BANK1: variants seen among roughly 807,000 people sequenced by gnomAD.
BANK1 encodes B-cell scaffold protein with ankyrin repeats.
A neutral mutation model predicts 94.5 loss-of-function variants in BANK1; 95 were observed. The ratio of observed to expected loss-of-function variants is 1.00; its 90% CI spans 0.85 to 1.19. BANK1 has a LOEUF of 1.19. BANK1 is among the 50% of genes most tolerant of loss of function. The probability of loss-of-function intolerance (pLI) is 0.00; values close to 1 mark genes in which losing one functional copy is unlikely to be tolerated. For synonymous variants in BANK1, 334 were observed against 308.4 expected, an observed-to-expected ratio of 1.08 and a Z score of -0.87; for missense variants, 987 against 932.2, an observed-to-expected ratio of 1.06 and a Z score of -0.77.
At chr4:101,838,093 G>C (rs1726900613) in intron 2 of BANK1, among the ~76,000 whole-genome samples, 1 of 152,082 alleles carries the variant, frequency 6.6e-6, no homozygotes, top group Non-Finnish European at 1.5e-5. Flanking sequence ...CTGAGTAGCT[G>C]GGATTACAGG....
chr4:102,030,739 A>T (rs1170103099), intron 10 of BANK1, among the ~76,000 whole-genome samples: 4 of 152,070 alleles, frequency 2.6e-5, no homozygotes, highest in Non-Finnish European at 5.9e-5. Context: ...GGTTTCCAGC[A>T]TCATCCATGT....
chr4:101,922,200 G>C (rs1300404481), intron 7 of BANK1, among the ~76,000 whole-genome samples: 1 of 151,768 alleles, frequency 6.6e-6, no homozygotes, highest in East Asian at 1.9e-4. Flanking sequence ...AGCAATAATT[G>C]ACTGGGTAAT....
chr4:102,069,571 T>C (rs969266868), intron 13 of BANK1, among the ~76,000 whole-genome samples: 2 of 152,264 alleles, frequency 1.3e-5, no homozygotes, highest in African/African-American at 2.4e-5. Context: ...ACTTACCATA[T>C]GACCTAGTCA....
intron 7 of BANK1, among the ~76,000 whole-genome samples, chr4:101,970,504 C>G (rs1278525671): frequency 6.6e-6 from 1 of 152,126 alleles, no homozygotes; most frequent in Non-Finnish European, 1.5e-5. Context: ...CACCACCACT[C>G]TCCTGGAGGG....
chr4:101,944,896 T>G (rs545417150), intron 7 of BANK1, among the ~76,000 whole-genome samples: 1 of 152,108 alleles, frequency 6.6e-6, no homozygotes, highest in Non-Finnish European at 1.5e-5. Flanking sequence ...GACCTGATGC[T>G]GGGAATGCTC....
intron 7 of BANK1, among the ~76,000 whole-genome samples, chr4:101,949,585 C>T (rs1003759400): frequency 2.0e-5 from 3 of 152,206 alleles, no homozygotes; most frequent in Admixed American, 6.5e-5. Flanking sequence ...TTCAATAAAA[C>T]TATTATTTTA....
chr4:101,945,314 T>G (rs1429598097), intron 7 of BANK1, among the ~76,000 whole-genome samples: 3 of 151,958 alleles, frequency 2.0e-5, no homozygotes, highest in African/African-American at 7.2e-5. Context: ...ATTGCTCAGG[T>G]TATTACTATA....
rs150019807 is a variant in BANK1, at chr4:101,953,881, C to T, written c.1206+35692C>T. On this transcript the variant is annotated intron_variant, in intron 7 of 16. Coordinates refer to ENST00000322953, the MANE Select transcript of BANK1 (RefSeq NM_017935.5). ...CCATTTATCTTGTACCTCTTGCCTT[C>T]TGTATTTGTTTTCTAGGGCTGTTGT... Among the ~76,000 whole-genome samples, 5 of 152,200 alleles carry T rather than the reference C, an allele frequency of 3.3e-5. No individual in the cohort carries two copies. In the East Asian group the frequency reaches 9.7e-4, roughly 29 times the overall value.
rs200640369 is a variant in BANK1 at position 101,950,068 on chromosome 4, C to T, written c.1206+31879C>T. 8.1e-5 allele frequency among the ~76,000 whole-genome samples: 12 copies of T among 147,290 alleles called. No homozygotes were observed. The East Asian group carries it at 2.0e-3, about 24-fold the overall frequency. ...GTGTGTGTGTGTGTGTGTGCGCGTG[C>T]GCGCGCATGTGCCTACACAAATGAG... On this transcript the variant is annotated intron_variant, in intron 7 of 16. Transcript: ENST00000322953.
In BANK1 at chr4:101,881,463, T is replaced by C. The variant is rs190219776; in HGVS notation, c.903+10819T>C. Among the ~76,000 whole-genome samples the C allele has an allele frequency of 8.2e-3, 1,251 of 151,844 alleles. 12 individuals are homozygous for C. The highest frequency in any genetic ancestry group is 0.027 in the Middle Eastern group (8 of 294). Reference sequence around the variant, plus strand: ...TGGTGAGGATGTGGAGAAAACTGTTTGTCGGAAAGTAAATTAGTACAACCA... The same window carrying C: ...TGGTGAGGATGTGGAGAAAACTGTTCGTCGGAAAGTAAATTAGTACAACCA... On this transcript the variant is annotated intron_variant, in intron 5 of 16. Coordinates refer to ENST00000322953, the MANE Select transcript of BANK1 (RefSeq NM_017935.5).
chr4:101,958,688 A>G (rs1321516781), intron 7 of BANK1, among the ~76,000 whole-genome samples: 1 of 152,216 alleles, frequency 6.6e-6, no homozygotes, highest in African/African-American at 2.4e-5. Context: ...AAGCATGTGG[A>G]CATAAGGATG....
chr4:101,878,857 G>A (rs1728580314), intron 5 of BANK1, among the ~76,000 whole-genome samples: 1 of 151,940 alleles, frequency 6.6e-6, no homozygotes, highest in Non-Finnish European at 1.5e-5. Flanking sequence ...ATGGCCAGTG[G>A]ATCAATAAGG....
chr4:101,936,433 G>T (rs2148908045), intron 7 of BANK1, among the ~76,000 whole-genome samples: 1 of 149,930 alleles, frequency 6.7e-6, no homozygotes, highest in East Asian at 2.0e-4. Context: ...GCATGTATAA[G>T]ATGTATACAT....
intron 7 of BANK1, among the ~76,000 whole-genome samples, chr4:102,007,092 A>AT (rs1322128290): frequency 0.013 from 1,027 of 81,858 alleles, 6 homozygotes; most frequent in African/African-American, 0.041. Flanking sequence ...ATATATATAT[A>AT]ATATATTTAT....
At chr4:102,032,176 T>A (rs955168955) in intron 10 of BANK1, 10 of 152,210 alleles carry the variant, frequency 6.6e-5, no homozygotes, top group African/African-American at 2.4e-4. Flanking sequence ...ATACAAAAAG[T>A]TAGTTATACT....
At chr4:102,005,372 C>T (rs1726224755) in intron 7 of BANK1, among the ~76,000 whole-genome samples, 1 of 151,766 alleles carries the variant, frequency 6.6e-6, no homozygotes, top group African/African-American at 2.4e-5. Context: ...ACTTGTTAAC[C>T]ATCAATAGGA....
intron 5 of BANK1, among the ~76,000 whole-genome samples, chr4:101,888,759 C>T (rs553246866): frequency 1.5e-4 from 23 of 152,278 alleles, no homozygotes; most frequent in Non-Finnish European, 2.5e-4. Context: ...AGCAGTGCTC[C>T]GCATGTGGTA....
intron 5 of BANK1, among the ~76,000 whole-genome samples, chr4:101,884,370 T>C (rs1728775899): frequency 1.3e-5 from 2 of 152,214 alleles, no homozygotes; most frequent in Admixed American, 1.3e-4. Flanking sequence ...TTTTGTTTTC[T>C]TTGCTTCCAT....
intron 6 of BANK1, among the ~76,000 whole-genome samples, chr4:101,908,429 G>C (rs563970718): frequency 3.9e-5 from 6 of 152,214 alleles, no homozygotes; most frequent in Admixed American, 3.9e-4. Context: ...AGACTTAAAT[G>C]TGAGACGTAA....
Sources: allele counts gnomAD v4.1 joint callset (sites outside exome capture counted in the v4.1 genomes callset), GRCh38; gene constraint gnomAD v4.1.1; transcripts MANE v1.5; gene names NCBI Gene and HGNC (gene_info 2026-07-23, HGNC 2026-07-21).